The following ADAMTS17 variants were observed in gnomAD, a reference collection of about 807,000 sequenced individuals.
ADAMTS17 encodes ADAM metallopeptidase with thrombospondin type 1 motif 17.
Under a neutral mutation model 141.5 loss-of-function variants are expected in ADAMTS17, and 113 were observed. That is an observed-to-expected ratio of 0.80 (90% confidence interval 0.69 to 0.93). The LOEUF (loss-of-function observed/expected upper bound fraction) is 0.93, where lower values mean the gene tolerates loss of function less well. Among genes scored for constraint, ADAMTS17 ranks in the 40% least tolerant of loss-of-function variants. The pLI is 0.00. For synonymous variants in ADAMTS17, 768 were observed against 630.6 expected, an observed-to-expected ratio of 1.22 and a Z score of -3.27; for missense variants, 1,659 against 1,517.9, an observed-to-expected ratio of 1.09 and a Z score of -1.54.
chr15:100,079,195 C>T (rs11853434), intron 15 of ADAMTS17, among the ~76,000 whole-genome samples: 23,690 of 152,038 alleles, frequency 0.16, 3,560 homozygotes, highest in African/African-American at 0.4. Context: ...AATTCCATTC[C>T]CAGGTATATA....
chr15:99,988,735 C>G (rs2141313572), intron 20 of ADAMTS17, among the ~76,000 whole-genome samples: 1 of 152,268 alleles, frequency 6.6e-6, no homozygotes, highest in East Asian at 1.9e-4. Flanking sequence ...TCCATCTTAC[C>G]TGACAGGCAT....
intron 15 of ADAMTS17, among the ~76,000 whole-genome samples, chr15:100,071,285 G>A (rs552329221): frequency 2.7e-5 from 4 of 150,062 alleles, no homozygotes; most frequent in South Asian, 4.2e-4. Flanking sequence ...AGGACCAGAT[G>A]GATTCACAGC....
intron 15 of ADAMTS17, among the ~76,000 whole-genome samples, chr15:100,060,926 C>A (rs76550456): frequency 6.6e-6 from 1 of 152,286 alleles, no homozygotes; most frequent in East Asian, 1.9e-4. Flanking sequence ...CCTTTTTGAA[C>A]TAACTTTAGA....
At chr15:100,099,173 A>C (rs766149370) in intron 14 of ADAMTS17, among the ~76,000 whole-genome samples, 1 of 152,172 alleles carries the variant, frequency 6.6e-6, no homozygotes, top group Non-Finnish European at 1.5e-5. Context: ...TCTGGAGACC[A>C]TCCAGGGGCT....
intron 15 of ADAMTS17, among the ~76,000 whole-genome samples, chr15:100,071,731 A>G (rs2033986477): frequency 6.6e-6 from 1 of 150,426 alleles, no homozygotes; most frequent in Non-Finnish European, 1.5e-5. Flanking sequence ...AAAACTCTCA[A>G]TAAATTAGGT....
chr15:100,267,571 G>T (rs2043760497), intron 4 of ADAMTS17, among the ~76,000 whole-genome samples: 1 of 152,018 alleles, frequency 6.6e-6, no homozygotes, highest in South Asian at 2.1e-4. Context: ...GTGCAGGTTG[G>T]TTACGTGAGT....
chr15:100,337,435 G>C (rs371185469), intron 2 of ADAMTS17, among the ~76,000 whole-genome samples: 2 of 152,236 alleles, frequency 1.3e-5, no homozygotes, highest in Admixed American at 6.5e-5. Flanking sequence ...AAGAGCTATG[G>C]TAGGAGGATC....
intron 15 of ADAMTS17, among the ~76,000 whole-genome samples, chr15:100,065,047 G>T (rs888315667): frequency 6.6e-6 from 1 of 152,030 alleles, no homozygotes; most frequent in Non-Finnish European, 1.5e-5. Flanking sequence ...ATTTTGAGGG[G>T]TTTATTTATT....
At chr15:100,108,317 G>A (rs536730281) in intron 14 of ADAMTS17, among the ~76,000 whole-genome samples, 14 of 152,098 alleles carry the variant, frequency 9.2e-5, no homozygotes, top group South Asian at 2.1e-4. Flanking sequence ...GATTACAAGC[G>A]CATGCCACCA....
intron 4 of ADAMTS17, among the ~76,000 whole-genome samples, chr15:100,276,669 C>T (rs1487497482): frequency 2.0e-5 from 3 of 152,076 alleles, no homozygotes; most frequent in African/African-American, 7.2e-5. Flanking sequence ...CACTCCCATC[C>T]CACAGCCCCA....
At chr15:100,326,462 T>C (rs983785699) in intron 3 of ADAMTS17, among the ~76,000 whole-genome samples, 4 of 152,212 alleles carry the variant, frequency 2.6e-5, no homozygotes, top group Admixed American at 6.5e-5. Flanking sequence ...CAGTTATCCC[T>C]GGGGCACAGG....
intron 17 of ADAMTS17, 24 bp from the exon 18 acceptor site, chr15:100,049,016 T>C (rs2031933436): frequency 6.2e-7 from 1 of 1,614,162 alleles, no homozygotes; most frequent in South Asian, 1.1e-5. Flanking sequence ...CACAGGGAGC[T>C]GAGAGACTGT....
rs1029039986 is a variant in ADAMTS17, at chr15:100,127,319, A to C, written c.1721+4688T>G. Among the ~76,000 whole-genome samples, 5 of 152,198 alleles carry C rather than the reference A, an allele frequency of 3.3e-5. No homozygotes were observed. The East Asian group carries it at 5.8e-4, about 18-fold the overall frequency. On this transcript the variant is annotated intron_variant, in intron 12 of 21. Transcript: ENST00000268070. The stretch of plus-strand genomic sequence containing the variant: ...GACAAGCGTTCTTCCAAGGGAAGAA[A>C]AGGTGAGAGGACACACAGAGAAGAG...
chr15:100,289,087 T>G (rs1460757662), intron 3 of ADAMTS17, among the ~76,000 whole-genome samples: 1 of 152,066 alleles, frequency 6.6e-6, no homozygotes, highest in Admixed American at 6.5e-5. Flanking sequence ...TAAATAAGAT[T>G]GGTAGACCTC....
At chr15:100,339,876 A>C (rs570379173) in intron 2 of ADAMTS17, among the ~76,000 whole-genome samples, 1 of 152,302 alleles carries the variant, frequency 6.6e-6, no homozygotes, top group African/African-American at 2.4e-5. Context: ...CTGGGAAGAA[A>C]GAGAGGTCTC....
Position 100,281,311 on chromosome 15 carries a change from G to A in ADAMTS17, c.707C>T (p.Thr236Ile), listed in dbSNP as rs1370272280. 2 of 1,609,718 alleles carry A rather than the reference G, an allele frequency of 1.2e-6. No individual in the cohort carries two copies. Among genetic ancestry groups the A allele is most frequent in the African/African-American group, 1.3e-5 (1 of 74,974 alleles). Reference sequence around the variant, plus strand: ...CATGTCGGCGTCGGCCACCACCAGGGTCTCCACCGTGTGCTCGCTGGTGAG... The same window carrying A: ...CATGTCGGCGTCGGCCACCACCAGGATCTCCACCGTGTGCTCGCTGGTGAG... ...IRLTSEHTVE[T>I]LVVADADMVQ... The change falls in exon 4 of 22, where the codon ACC becomes ATC. Residue 236 changes from threonine (T) to isoleucine (I), a missense_variant. Transcript: ENST00000268070.
chr15:100,102,446 GACCAAAGGGGATCTACATTTGAGGGCCA>G (rs2036166821), intron 14 of ADAMTS17, among the ~76,000 whole-genome samples: 3 of 63,442 alleles, frequency 4.7e-5, no homozygotes, highest in Admixed American at 1.6e-4. Context: ...TTTGAGGGCC[GACCAAAGGGGATCTACATTTGAGGGCCA>G]ACTGAAGGGG....
At chr15:100,329,256 G>A (rs2045978522) in intron 3 of ADAMTS17, among the ~76,000 whole-genome samples, 1 of 152,078 alleles carries the variant, frequency 6.6e-6, no homozygotes, top group Admixed American at 6.6e-5. Flanking sequence ...ACACTGCAGG[G>A]GGCCAGGCAT....
intron 15 of ADAMTS17, among the ~76,000 whole-genome samples, chr15:100,082,632 A>T (rs1555443748): frequency 2.0e-5 from 3 of 150,698 alleles, no homozygotes; most frequent in Non-Finnish European, 4.4e-5. Flanking sequence ...AATTTTTGAG[A>T]TCTCTTTTTT....
Sources: gnomAD v4.1 joint callset for allele counts (sites outside exome capture counted in the v4.1 genomes callset) on GRCh38, gnomAD v4.1.1 for gene constraint, MANE v1.5 for transcripts, NCBI Gene and HGNC (gene_info 2026-07-23, HGNC 2026-07-21) for gene names.